Variants in OPCML observed in about 807,000 individuals in gnomAD.
OPCML encodes opioid-binding protein/cell adhesion molecule.
In OPCML, 13 loss-of-function variants were observed where a neutral mutation model predicts 37.8. The observed-to-expected ratio is 0.34, with a 90% CI of 0.22 to 0.55. The LOEUF (loss-of-function observed/expected upper bound fraction) is 0.55. OPCML is among the 20% of genes least tolerant of loss of function. The pLI is 0.91. For missense variants in OPCML, 341 were observed against 435.6 expected, an observed-to-expected ratio of 0.78 and a Z score of 1.93; for synonymous variants, 176 against 168.8, an observed-to-expected ratio of 1.04 and a Z score of -0.33.
Position 133,477,244 on chromosome 11 carries a change from T to C in OPCML, c.61+55020A>G, listed in dbSNP as rs568887787. ...ATCGCTCTTTGCCTTCTGTTTAGCA[T>C]AGATTTTAGAGGATGCAAAATAATA... On this transcript the variant is annotated intron_variant, in intron 1 of 7. Transcript: ENST00000524381. Among the ~76,000 whole-genome samples the C allele has an allele frequency of 6.9e-4, 105 of 152,346 alleles. 1 individual carries two copies. The highest frequency in any genetic ancestry group is 2.3e-3 in the South Asian group (11 of 4,826).
chr11:133,096,792 T>C (rs926852943), intron 1 of OPCML, among the ~76,000 whole-genome samples: 9 of 151,922 alleles, frequency 5.9e-5, no homozygotes, highest in Non-Finnish European at 2.9e-5. Flanking sequence ...TCATCAGAGA[T>C]AGAGATGGGG....
intron 2 of OPCML, among the ~76,000 whole-genome samples, chr11:132,936,994 A>G (rs1945399722): frequency 1.3e-5 from 2 of 152,232 alleles, no homozygotes; most frequent in Non-Finnish European, 2.9e-5. Flanking sequence ...TTGGTTTCTA[A>G]CTTATTAGGC....
chr11:132,598,160 C>A (rs2096495418), intron 3 of OPCML, among the ~76,000 whole-genome samples: 1 of 152,088 alleles, frequency 6.6e-6, no homozygotes, highest in Non-Finnish European at 1.5e-5. Flanking sequence ...GAGACGCAAC[C>A]CAGTCTTTGC....
chr11:133,039,432 C>T (rs1017121919), intron 1 of OPCML, among the ~76,000 whole-genome samples: 8 of 152,286 alleles, frequency 5.3e-5, no homozygotes, highest in African/African-American at 1.2e-4. Context: ...TGATCAGAGG[C>T]GCTTGGGTTG....
chr11:133,408,940 C>G (rs1317810486), intron 1 of OPCML, among the ~76,000 whole-genome samples: 4 of 152,230 alleles, frequency 2.6e-5, no homozygotes, highest in Admixed American at 2.6e-4. Flanking sequence ...TCTGTTATAT[C>G]TCTGCCAGCC....
intron 1 of OPCML, among the ~76,000 whole-genome samples, chr11:133,429,972 G>A (rs893297336): frequency 1.1e-4 from 16 of 152,146 alleles, no homozygotes; most frequent in African/African-American, 3.9e-4. Context: ...GATGGAAGCG[G>A]GGTAGAAGTG....
intron 1 of OPCML, among the ~76,000 whole-genome samples, chr11:133,467,759 C>G (rs1947009553): frequency 6.6e-6 from 1 of 152,174 alleles, no homozygotes; most frequent in African/African-American, 2.4e-5. Flanking sequence ...TTCTGTGACA[C>G]TACCAATTCA....
At position 132,512,975 on chromosome 11, in the gene OPCML, C is replaced by T. The variant is rs192568427; in HGVS notation, c.505+16086G>A. 3.8e-3 allele frequency among the ~76,000 whole-genome samples: 580 copies of T among 151,866 alleles called. 2 individuals carry two copies. Among genetic ancestry groups the T allele is most frequent in the Middle Eastern group, 6.8e-3 (2 of 294 alleles). On this transcript the variant is annotated intron_variant, in intron 4 of 7. Coordinates refer to ENST00000524381, the MANE Select transcript of OPCML (RefSeq NM_001012393.5). ...AAGCTGCGGTAATTTAAATTATGAC[C>T]GCAAGATTTTTTTAAATAAAAAGCC...
At chr11:133,034,910 C>G (rs58345984) in intron 1 of OPCML, among the ~76,000 whole-genome samples, 15,692 of 151,794 alleles carry the variant, frequency 0.1, 1,274 homozygotes, top group East Asian at 0.3. Flanking sequence ...GCACGGGCAC[C>G]GGCAGAGACA....
intron 1 of OPCML, among the ~76,000 whole-genome samples, chr11:133,390,734 C>T (rs140298445): frequency 6.6e-6 from 1 of 152,254 alleles, no homozygotes; most frequent in East Asian, 1.9e-4. Context: ...CAACTCAATG[C>T]AGTTTGGAAA....
intron 2 of OPCML, among the ~76,000 whole-genome samples, chr11:132,926,987 T>G (rs958273532): frequency 1.5e-4 from 23 of 152,160 alleles, no homozygotes; most frequent in Middle Eastern, 3.4e-3. Context: ...TGAAGACATA[T>G]CATTTGAAAT....
At chr11:132,497,416 CAA>C (rs529329176) in intron 4 of OPCML, among the ~76,000 whole-genome samples, 12 of 88,718 alleles carry the variant, frequency 1.4e-4, no homozygotes, top group Admixed American at 3.3e-4. Context: ...AAAAGCTGAA[CAA>C]AAAAAAAAAA....
rs559367542 is a variant in OPCML, at chr11:133,530,683, C to A, written c.61+1581G>T. ...CTGGAATAACAACAACAGCAACCCC[C>A]ACTCTGAACTTCTTGGTCAGCCTAA... is the stretch of plus-strand genomic sequence containing the variant. On this transcript the variant is annotated intron_variant, in intron 1 of 7. Coordinates refer to ENST00000524381, the MANE Select transcript of OPCML (RefSeq NM_001012393.5). Among the ~76,000 whole-genome samples the A allele has an allele frequency of 9.8e-5, 15 of 152,356 alleles. No homozygotes were observed. The East Asian group carries it at 2.7e-3, about 27-fold the overall frequency.
At chr11:133,231,176 G>A (rs1455155304) in intron 1 of OPCML, among the ~76,000 whole-genome samples, 1 of 152,186 alleles carries the variant, frequency 6.6e-6, no homozygotes, top group Non-Finnish European at 1.5e-5. Context: ...TTTCATTGAA[G>A]CATAATCAGC....
At chr11:133,282,337 G>A (rs1223526750) in intron 1 of OPCML, among the ~76,000 whole-genome samples, 2 of 152,184 alleles carry the variant, frequency 1.3e-5, no homozygotes, top group Non-Finnish European at 2.9e-5. Context: ...TGGCTCTAAG[G>A]GCCCTAGGTA....
intron 1 of OPCML, among the ~76,000 whole-genome samples, chr11:133,484,117 G>GGT (rs1947473850): frequency 9.0e-6 from 1 of 110,868 alleles, no homozygotes; most frequent in African/African-American, 5.0e-5. Flanking sequence ...ATAGATGATA[G>GGT]ATAGATGATT....
At chr11:133,339,867 A>C (rs946420645) in intron 1 of OPCML, among the ~76,000 whole-genome samples, 1 of 152,296 alleles carries the variant, frequency 6.6e-6, no homozygotes, top group Admixed American at 6.5e-5. Context: ...ACAAAAGCCC[A>C]ATTGAATTAG....
chr11:132,953,400 C>T (rs1263493066), intron 1 of OPCML, among the ~76,000 whole-genome samples: 1 of 152,124 alleles, frequency 6.6e-6, no homozygotes, highest in African/African-American at 2.4e-5. Context: ...AAAGCCTCAA[C>T]TGTGGGGAAG....
At chr11:133,118,411 C>T (rs1662926188) in intron 1 of OPCML, 1 of 985,284 alleles carries the variant, frequency 1.0e-6, no homozygotes, top group Non-Finnish European at 1.2e-6. Flanking sequence ...GGCTGGCCTT[C>T]CTTTCATGGA....
Sources: gnomAD v4.1 joint callset for allele counts (sites outside exome capture counted in the v4.1 genomes callset) on GRCh38, gnomAD v4.1.1 for gene constraint, MANE v1.5 for transcripts, NCBI Gene and HGNC (gene_info 2026-07-23, HGNC 2026-07-21) for gene names.